Variants in TMTC2 observed in about 807,000 individuals in gnomAD.
TMTC2 encodes protein O-mannosyl-transferase TMTC2.
In TMTC2, 43 loss-of-function variants were observed where a neutral mutation model predicts 82.4. The ratio of observed to expected loss-of-function variants is 0.52; its 90% CI spans 0.41 to 0.67. The LOEUF (loss-of-function observed/expected upper bound fraction) is 0.67, where lower values mean the gene tolerates loss of function less well. Ranked by LOEUF, TMTC2 falls within the 30% of genes least tolerant of loss-of-function variation. The probability of loss-of-function intolerance (pLI) is 0.00; values close to 1 mark genes in which losing one functional copy is unlikely to be tolerated. For synonymous variants in TMTC2, 408 were observed against 381.9 expected (o/e 1.07, Z -0.80); for missense variants, 919 against 1,012.4 (o/e 0.91, Z 1.25).
chr12:82,849,044 C>T (rs1027966063), intron 1 of TMTC2, among the ~76,000 whole-genome samples: 1 of 151,982 alleles, frequency 6.6e-6, no homozygotes, highest in Non-Finnish European at 1.5e-5. Context: ...TTGAGGTCAT[C>T]AAGAGGAAGG....
intron 1 of TMTC2, among the ~76,000 whole-genome samples, chr12:82,745,274 G>A (rs1187258667): frequency 1.3e-5 from 2 of 152,088 alleles, no homozygotes; most frequent in African/African-American, 2.4e-5. Flanking sequence ...TCTGGAGATG[G>A]ACAGATAACA....
intron 4 of TMTC2, among the ~76,000 whole-genome samples, chr12:82,957,165 T>C (rs1877660336): frequency 1.3e-5 from 2 of 151,974 alleles, no homozygotes; most frequent in African/African-American, 2.4e-5. Context: ...AAAACAAAAC[T>C]GAAATCATAC....
chr12:82,767,872 A>G (rs1273354053), intron 1 of TMTC2, among the ~76,000 whole-genome samples: 1 of 152,202 alleles, frequency 6.6e-6, no homozygotes, highest in African/African-American at 2.4e-5. Context: ...ATCCCTCCTC[A>G]GGTGATCCTC....
At chr12:83,130,044 C>T (rs2033573057) in intron 11 of TMTC2, among the ~76,000 whole-genome samples, 1 of 152,192 alleles carries the variant, frequency 6.6e-6, no homozygotes, top group African/African-American at 2.4e-5. Flanking sequence ...TCTGTTTTCT[C>T]TCAACCTCAT....
chr12:82,845,577 A>C (rs539576284), intron 1 of TMTC2, among the ~76,000 whole-genome samples: 2 of 152,158 alleles, frequency 1.3e-5, no homozygotes, highest in South Asian at 4.1e-4. Context: ...TTTTAAATTG[A>C]AACTCTGATA....
intron 1 of TMTC2, among the ~76,000 whole-genome samples, chr12:82,763,426 T>C (rs1303165521): frequency 6.6e-6 from 1 of 152,200 alleles, no homozygotes; most frequent in Non-Finnish European, 1.5e-5. Context: ...TCCAGGACTG[T>C]CCACTTAAAA....
At chr12:83,123,752 G>A (rs2137564748) in intron 11 of TMTC2, among the ~76,000 whole-genome samples, 1 of 152,242 alleles carries the variant, frequency 6.6e-6, no homozygotes, top group Non-Finnish European at 1.5e-5. Flanking sequence ...TGCTAAAAAT[G>A]TTTTTTAAAG....
chr12:83,120,507 C>T (rs987935002), intron 11 of TMTC2, among the ~76,000 whole-genome samples: 5 of 152,192 alleles, frequency 3.3e-5, no homozygotes, highest in African/African-American at 1.2e-4. Context: ...TGTAGAATTT[C>T]TGCTGGGAAA....
intron 11 of TMTC2, among the ~76,000 whole-genome samples, chr12:83,118,309 G>A (rs762222681): frequency 1.3e-4 from 20 of 152,090 alleles, no homozygotes; most frequent in Non-Finnish European, 2.1e-4. Flanking sequence ...CTGTAGGTTC[G>A]TCAGAGACGG....
chr12:82,774,913 T>C (rs1877508001), intron 1 of TMTC2, among the ~76,000 whole-genome samples: 1 of 151,972 alleles, frequency 6.6e-6, no homozygotes. Context: ...AAACAGTCTT[T>C]AGGTATTCAC....
chr12:82,998,559 A>G (rs1034165334), intron 8 of TMTC2, among the ~76,000 whole-genome samples: 1 of 152,206 alleles, frequency 6.6e-6, no homozygotes, highest in African/African-American at 2.4e-5. Flanking sequence ...ATTATTTTCC[A>G]TTTCTCAAAT....
intron 11 of TMTC2, among the ~76,000 whole-genome samples, chr12:83,118,767 T>G (rs1884853083): frequency 6.6e-6 from 1 of 152,100 alleles, no homozygotes; most frequent in Admixed American, 6.5e-5. Context: ...CTGGTAGAAT[T>G]CTGATGTGAA....
chr12:83,097,309 C>G (rs1052219971), intron 11 of TMTC2, among the ~76,000 whole-genome samples: 2 of 152,158 alleles, frequency 1.3e-5, no homozygotes, highest in African/African-American at 4.8e-5. Flanking sequence ...TGCACACACA[C>G]AAAAGCACAC....
At chr12:83,074,872 C>G (rs987897622) in intron 11 of TMTC2, among the ~76,000 whole-genome samples, 1 of 152,152 alleles carries the variant, frequency 6.6e-6, no homozygotes, top group Non-Finnish European at 1.5e-5. Context: ...CCTAAGCTCC[C>G]CGCTAAGTTC....
chr12:82,955,445 G>A (rs1250160828), intron 4 of TMTC2, among the ~76,000 whole-genome samples: 1 of 152,088 alleles, frequency 6.6e-6, no homozygotes, highest in Non-Finnish European at 1.5e-5. Flanking sequence ...CAAGTGTCCA[G>A]ATTATTGTGA....
intron 11 of TMTC2, among the ~76,000 whole-genome samples, chr12:83,119,426 T>C (rs1884875442): frequency 6.6e-6 from 1 of 152,194 alleles, no homozygotes; most frequent in Admixed American, 6.5e-5. Flanking sequence ...GATCAGGTTA[T>C]TTAATTTCCG....
intron 3 of TMTC2, among the ~76,000 whole-genome samples, chr12:82,897,629 G>A (rs1205422356): frequency 6.6e-6 from 1 of 152,054 alleles, no homozygotes; most frequent in Non-Finnish European, 1.5e-5. Context: ...GGGTTCAAGC[G>A]ATTCTCCTCC....
At chr12:83,097,979 G>A (rs1409940930) in intron 11 of TMTC2, among the ~76,000 whole-genome samples, 1 of 152,210 alleles carries the variant, frequency 6.6e-6, no homozygotes, top group Non-Finnish European at 1.5e-5. Context: ...TTTAAGTGCA[G>A]AGGGAAGCCT....
At chr12:82,876,115 G>A (rs922827055) in intron 2 of TMTC2, among the ~76,000 whole-genome samples, 42 of 146,822 alleles carry the variant, frequency 2.9e-4, no homozygotes, top group African/African-American at 1.1e-3. Context: ...GGTGGTGGTG[G>A]TGGTGGTATT....
Sources: allele counts gnomAD v4.1 joint callset (sites outside exome capture counted in the v4.1 genomes callset), GRCh38; gene constraint gnomAD v4.1.1; transcripts MANE v1.5; gene names NCBI Gene and HGNC (gene_info 2026-07-23, HGNC 2026-07-21).